Variants in KAZN observed in about 807,000 individuals in gnomAD.
KAZN encodes the protein kazrin.
KAZN carries 40 observed loss-of-function variants against 87.4 expected under a neutral mutation model. That is an observed-to-expected ratio of 0.46 (90% confidence interval 0.36 to 0.60). The LOEUF (loss-of-function observed/expected upper bound fraction) is 0.60. Among genes scored for constraint, KAZN ranks in the 20% least tolerant of loss-of-function variants. The pLI is 0.00. For synonymous variants in KAZN, 466 were observed against 458.3 expected (o/e 1.02, Z -0.22); for missense variants, 898 against 1,073.9 (o/e 0.84, Z 2.29).
intron 2 of KAZN, among the ~76,000 whole-genome samples, chr1:15,012,276 G>A (rs1248768207): frequency 6.6e-6 from 1 of 152,158 alleles, no homozygotes; most frequent in Non-Finnish European, 1.5e-5. Context: ...GTTTCCTGCT[G>A]GTAGAGAAAG....
At chr1:14,048,859 A>G (rs1165641725) in intron 1 of KAZN, among the ~76,000 whole-genome samples, 1 of 152,138 alleles carries the variant, frequency 6.6e-6, no homozygotes, top group Admixed American at 6.5e-5. Flanking sequence ...GACTTCCATA[A>G]TGGTTGAACT....
intron 2 of KAZN, among the ~76,000 whole-genome samples, chr1:14,222,469 G>A (rs1647126735): frequency 6.6e-6 from 1 of 152,132 alleles, no homozygotes; most frequent in Non-Finnish European, 1.5e-5. Context: ...AGGAGTCTAT[G>A]TTTCTGCTTT....
chr1:14,232,278 G>A lies in KAZN; in HGVS notation c.249+51686G>A, dbSNP rs1217361919. On this transcript the variant is annotated intron_variant, in intron 2 of 16. Coordinates refer to the KAZN transcript ENST00000636203. The stretch of plus-strand genomic sequence containing the variant: ...GTGTGTGCGCATGTATGTGCCTATT[G>A]CAGAGGTGGGGGCAGCGCAGGCAGT... Among the ~76,000 whole-genome samples, 6 of 152,184 alleles carry A rather than the reference G, an allele frequency of 3.9e-5. No individual in the cohort carries two copies. In the East Asian group the frequency reaches 1.2e-3, roughly 29 times the overall value.
Position 14,599,143 on chromosome 1 carries a change from G to C in KAZN, c.146G>C (p.Gly49Ala). ...ELSGGGGPGP[G>A]PGAAASASAA... The stretch of plus-strand genomic sequence containing the variant: ...AGCGGCGGCGGCGGCCCCGGCCCGG[G>C]CCCGGGAGCCGCGGCCAGCGCCTCG... The change falls in exon 1 of 15, where the codon GGC (glycine) becomes GCC (alanine). Residue 49 changes from glycine to alanine, a missense_variant. Coordinates refer to ENST00000376030, the MANE Select transcript of KAZN (RefSeq NM_201628.3). The surrounding 1 kb of genome is among the most constrained non-coding windows in gnomAD (Gnocchi z 4.4). 1 of 1,436,226 alleles carries C rather than the reference G, an allele frequency of 7.0e-7. No individual in the cohort carries two copies. The highest frequency in any genetic ancestry group is 1.6e-5 in the South Asian group (1 of 62,594). The allele number at this position is 1,436,226 out of a possible 1,614,324, so 89.0% of individuals were successfully genotyped here. A position where few individuals can be genotyped will look rare whatever the true frequency, so the allele number is the denominator to read the frequency against.
intron 2 of KAZN, among the ~76,000 whole-genome samples, chr1:14,429,252 C>CA (rs1665910416): frequency 6.6e-6 from 1 of 152,184 alleles, no homozygotes; most frequent in South Asian, 2.1e-4. Context: ...TGAAGCCCCA[C>CA]AGGGCCCTCC....
At chr1:15,013,173 C>T (rs1002265208) in intron 2 of KAZN, among the ~76,000 whole-genome samples, 1 of 152,210 alleles carries the variant, frequency 6.6e-6, no homozygotes, top group Admixed American at 6.5e-5. Context: ...GGCCTCTGCA[C>T]CTGTACACGC....
chr1:14,404,544 C>T (rs578228014), intron 2 of KAZN, among the ~76,000 whole-genome samples: 27 of 152,106 alleles, frequency 1.8e-4, no homozygotes, highest in Non-Finnish European at 3.4e-4. Context: ...TCCAGCAATT[C>T]CATTTCCTGA....
intron 2 of KAZN, among the ~76,000 whole-genome samples, chr1:14,453,264 C>A (rs955923752): frequency 2.0e-5 from 3 of 152,046 alleles, no homozygotes; most frequent in African/African-American, 7.2e-5. Flanking sequence ...CAAAATAGGC[C>A]TCTCTTTTAC....
At position 14,196,842 on chromosome 1, in the gene KAZN, C is replaced by T. The variant is rs113625262; in HGVS notation, c.249+16250C>T. The stretch of plus-strand genomic sequence containing the variant: ...GACTAGTTTCCAAAAGCTGGGAAGG[C>T]GAGGAAGAACCAGCACAAAGACTGA... On this transcript the variant is annotated intron_variant, in intron 2 of 16. Coordinates refer to the KAZN transcript ENST00000636203. Among the ~76,000 whole-genome samples the T allele has an allele frequency of 6.1e-4, 93 of 151,838 alleles. 1 individual carries two copies. The highest frequency in any genetic ancestry group is 2.1e-3 in the African/African-American group (85 of 41,390).
intron 2 of KAZN, among the ~76,000 whole-genome samples, chr1:14,332,690 A>G (rs1656937814): frequency 6.6e-6 from 1 of 152,160 alleles, no homozygotes; most frequent in African/African-American, 2.4e-5. Context: ...CTTGGACTCC[A>G]ACATCTGGGA....
intron 2 of KAZN, among the ~76,000 whole-genome samples, chr1:14,404,580 G>A (rs954936656): frequency 6.6e-6 from 1 of 152,140 alleles, no homozygotes; most frequent in African/African-American, 2.4e-5. Flanking sequence ...AGTGCCTAAG[G>A]AGATATGCAT....
At chr1:14,639,292 A>G (rs1409066817) in intron 1 of KAZN, among the ~76,000 whole-genome samples, 12 of 152,180 alleles carry the variant, frequency 7.9e-5, no homozygotes, top group Non-Finnish European at 1.3e-4. Flanking sequence ...AAATCTGTCA[A>G]TATCCCCACT....
chr1:14,338,864 C>T (rs1337927806), intron 2 of KAZN, among the ~76,000 whole-genome samples: 5 of 152,200 alleles, frequency 3.3e-5, no homozygotes, highest in East Asian at 3.9e-4. Flanking sequence ...TTATGTTGCT[C>T]GTAGCTGAAA....
In KAZN at chr1:14,624,914, A is replaced by G. The variant is rs577966372; in HGVS notation, c.226+25691A>G. Among the ~76,000 whole-genome samples the G allele has an allele frequency of 4.6e-5, 7 of 152,188 alleles. No homozygotes were observed. In the South Asian group the frequency reaches 1.4e-3, roughly 32 times the overall value. On this transcript the variant is annotated intron_variant, in intron 1 of 14. Transcript: ENST00000376030. ...CTGTCTACCTACCCTGCTTGATCTCACTAGACATTACCAGAAACTTCACCT... is the reference window on the plus strand; with the variant it reads ...CTGTCTACCTACCCTGCTTGATCTCGCTAGACATTACCAGAAACTTCACCT...
intron 1 of KAZN, among the ~76,000 whole-genome samples, chr1:14,044,087 C>T (rs1189693604): frequency 1.3e-5 from 2 of 151,408 alleles, no homozygotes; most frequent in African/African-American, 2.4e-5. Context: ...TCATGTTTGC[C>T]TTCTCTGTGC....
chr1:14,599,248 C>G lies in KAZN; in HGVS notation c.226+25C>G. 1 of 1,345,362 alleles carries G rather than the reference C, an allele frequency of 7.4e-7. No individual in the cohort carries two copies. Among genetic ancestry groups the G allele is most frequent in the Non-Finnish European group, 9.5e-7 (1 of 1,052,980 alleles). 83.3% of individuals were successfully genotyped at this position (1,345,362 alleles called of 1,614,324 possible). On this transcript the variant is annotated intron_variant, in intron 1 of 14. Coordinates refer to ENST00000376030, the MANE Select transcript of KAZN (RefSeq NM_201628.3). This position sits in a 1 kb window ranked among gnomAD's most constrained non-coding sequence, Gnocchi z 4.4. ...GGTAGGATCGCCCCGGCGCCCAGGG[C>G]GGAGGAAGGCGAGCAGAGCACGCCC...
intron 2 of KAZN, among the ~76,000 whole-genome samples, chr1:14,186,601 ATCTG>A (rs1160452399): frequency 2.0e-5 from 3 of 152,154 alleles, no homozygotes; most frequent in Non-Finnish European, 4.4e-5. Flanking sequence ...ACTCTGAATG[ATCTG>A]TCTTAGGTCA....
At chr1:14,125,485 G>C (rs1020617573) in intron 1 of KAZN, among the ~76,000 whole-genome samples, 9 of 152,144 alleles carry the variant, frequency 5.9e-5, no homozygotes, top group Non-Finnish European at 1.2e-4. Flanking sequence ...TGACAGTGGA[G>C]ACAGAGAGGG....
At chr1:14,480,391 A>G (rs1348298836) in intron 2 of KAZN, among the ~76,000 whole-genome samples, 2 of 152,152 alleles carry the variant, frequency 1.3e-5, no homozygotes, top group Non-Finnish European at 2.9e-5. Context: ...ACATTCTAGC[A>G]GGAGTGACAG....
Sources: allele counts gnomAD v4.1 joint callset (sites outside exome capture counted in the v4.1 genomes callset), GRCh38; gene constraint gnomAD v4.1.1; non-coding constraint Gnocchi (gnomAD v3.1); transcripts MANE v1.5; gene names NCBI Gene and HGNC (gene_info 2026-07-23, HGNC 2026-07-21).